The following ZC3H7B variants were observed in gnomAD, a reference collection of about 807,000 sequenced individuals.
The protein encoded by ZC3H7B is zinc finger CCCH domain-containing protein 7B.
A neutral mutation model predicts 116.0 loss-of-function variants in ZC3H7B; 35 were observed. That is an observed-to-expected ratio of 0.30 (90% CI 0.23 to 0.40). The LOEUF (loss-of-function observed/expected upper bound fraction) is 0.40. Ranked by LOEUF, ZC3H7B falls within the 10% of genes least tolerant of loss-of-function variation. The probability of loss-of-function intolerance (pLI) is 1.00; values close to 1 mark genes in which losing one functional copy is unlikely to be tolerated. For missense variants in ZC3H7B, 1,011 were observed against 1,321.5 expected (o/e 0.77, Z 3.64); for synonymous variants, 502 against 545.6 (o/e 0.92, Z 1.11).
intron 11 of ZC3H7B, among the ~76,000 whole-genome samples, chr22:41,341,750 AG>A (rs2145930838): frequency 6.6e-6 from 1 of 150,604 alleles, no homozygotes; most frequent in African/African-American, 2.4e-5. Flanking sequence ...CTCAAAAAAA[AG>A]AAAATAATAA....
At chr22:41,340,312 G>T (rs751045514) in intron 10 of ZC3H7B, among the ~76,000 whole-genome samples, 175 bp downstream of exon 10, 8 of 152,160 alleles carry the variant, frequency 5.3e-5, no homozygotes, top group Non-Finnish European at 1.2e-4. Context: ...ACAGTGTGGG[G>T]CTGGGCCTGA....
intron 1 of ZC3H7B, among the ~76,000 whole-genome samples, chr22:41,306,203 C>T (rs989382703): frequency 1.3e-5 from 2 of 151,980 alleles, no homozygotes; most frequent in African/African-American, 4.8e-5. Context: ...GAAAAGGAGC[C>T]CTGAGATTTG....
chr22:41,334,789 G>C (rs1294167274), intron 7 of ZC3H7B: 3 of 152,240 alleles, frequency 2.0e-5, no homozygotes, highest in Non-Finnish European at 4.4e-5. Flanking sequence ...TCCACCATGA[G>C]CACCATATTC....
intron 2 of ZC3H7B, among the ~76,000 whole-genome samples, chr22:41,323,539 T>A (rs553632184): frequency 6.6e-6 from 1 of 152,300 alleles, no homozygotes; most frequent in East Asian, 1.9e-4. Flanking sequence ...CCTTCTCCTT[T>A]CCAAAGGGGC....
At chr22:41,345,585 CA>C (rs576238177) in intron 13 of ZC3H7B, among the ~76,000 whole-genome samples, 1 of 149,034 alleles carries the variant, frequency 6.7e-6, no homozygotes, top group Non-Finnish European at 1.5e-5. Flanking sequence ...AACTCCATCT[CA>C]AAAAAAAAAT....
intron 21 of ZC3H7B, 76 bp downstream of exon 21, chr22:41,356,552 G>A: frequency 6.2e-7 from 1 of 1,609,366 alleles, no homozygotes; most frequent in Non-Finnish European, 8.5e-7. Context: ...GGGCAGCCTG[G>A]AGGGCCCAGC....
At chr22:41,340,888 G>A (rs1052591124) in intron 10 of ZC3H7B, among the ~76,000 whole-genome samples, 200 bp from the exon 11 acceptor site, 2 of 152,164 alleles carry the variant, frequency 1.3e-5, no homozygotes, top group African/African-American at 4.8e-5. Context: ...TAAGCAAAGA[G>A]TGGACACACT....
rs758654589 is a variant in ZC3H7B, at chr22:41,325,893, A to G, written c.260A>G (p.Asn87Ser). The G allele has an allele frequency of 3.7e-6, 6 of 1,609,438 alleles. No homozygotes were observed. Among genetic ancestry groups the G allele is most frequent in the Non-Finnish European group, 5.1e-6 (6 of 1,178,752 alleles). The change falls in exon 4 of 23, where the codon AAT becomes AGT. Residue 87 changes from asparagine (N) to serine (S), a missense_variant. Transcript: ENST00000352645. The stretch of plus-strand genomic sequence containing the variant: ...GAGCTGCTGTGCAAGCTGCATGTCA[A>G]TAGGGCCGCCTGCTACTTCACCATG... Reference protein sequence around the residue: ...PRELLCKLHVNRAACYFTMGL... With the variant: ...PRELLCKLHVSRAACYFTMGL...
At chr22:41,350,597 G>A (rs1014448808) in intron 16 of ZC3H7B, among the ~76,000 whole-genome samples, 6 of 152,160 alleles carry the variant, frequency 3.9e-5, no homozygotes, top group African/African-American at 9.7e-5. Context: ...AAAGGAGAGC[G>A]TCAAGGTGGA....
intron 1 of ZC3H7B, among the ~76,000 whole-genome samples, chr22:41,305,093 TC>T (rs767428832): frequency 2.7e-4 from 41 of 152,270 alleles, no homozygotes; most frequent in Non-Finnish European, 5.6e-4. Flanking sequence ...ACGCCTGTAA[TC>T]CCAGCACTTT....
At chr22:41,352,432 C>T (rs1270968970) in intron 17 of ZC3H7B, among the ~76,000 whole-genome samples, 1 of 152,184 alleles carries the variant, frequency 6.6e-6, no homozygotes, top group Non-Finnish European at 1.5e-5. Flanking sequence ...TAAGACTATA[C>T]TTTCAGGGAT....
intron 18 of ZC3H7B, 31 bp downstream of exon 18, chr22:41,355,633 G>A (rs1402072474): frequency 6.2e-7 from 1 of 1,613,546 alleles, no homozygotes; most frequent in East Asian, 2.2e-5. Context: ...GGGCTCAGGT[G>A]GGATGGGGCC....
chr22:41,329,645 C>G (rs955823322), intron 5 of ZC3H7B, among the ~76,000 whole-genome samples: 1 of 152,168 alleles, frequency 6.6e-6, no homozygotes, highest in Admixed American at 6.5e-5. Context: ...GAGTGTGATT[C>G]CCTCCTGGAG....
chr22:41,332,175 T>C lies in ZC3H7B; in HGVS notation c.530T>C (p.Leu177Ser). ...VRKAYKRPQELETFSLLSNGT... is the reference protein window; with the variant it reads ...VRKAYKRPQESETFSLLSNGT... ...CCTCTCTCCAATCTCTGGCAGGAAT[T>C]GGAAACCTTTTCTCTGCTCAGTAAC... Residue 177 changes from leucine (L) to serine (S), a missense_variant, in exon 7 of 23, where the codon TTG (leucine) becomes TCG (serine). Leu to Ser is a moderately radical substitution (Grantham distance 145). This residue lies in a region of ZC3H7B where 322 missense variants were observed against 443.9 expected (regional missense o/e 0.73). Transcript: ENST00000352645. 6.2e-7 allele frequency: 1 copy of C among 1,614,120 alleles called. No homozygotes were observed. The highest frequency in any genetic ancestry group is 8.5e-7 in the Non-Finnish European group (1 of 1,179,986).
chr22:41,313,627 A>G (rs561291067), intron 1 of ZC3H7B, among the ~76,000 whole-genome samples: 1 of 152,310 alleles, frequency 6.6e-6, no homozygotes, highest in East Asian at 1.9e-4. Flanking sequence ...TCCAGTTTAC[A>G]CTGTCAGTAT....
rs542909684 is a variant in ZC3H7B, at chr22:41,305,329, C to G, written c.-7+3557C>G. On this transcript the variant is annotated intron_variant, in intron 1 of 22. Transcript: ENST00000352645. ...CTGCACTCCAGCCTGGGCGACAGAG[C>G]AAGACTCTGTCTCAAAAAAAAAAAA... Among the ~76,000 whole-genome samples the G allele has an allele frequency of 1.0e-4, 14 of 139,150 alleles. No homozygotes were observed. The East Asian group carries it at 2.9e-3, about 29-fold the overall frequency. 91.3% of individuals were successfully genotyped at this position (139,150 alleles called of 152,430 possible).
At chr22:41,352,007 A>G (rs5751083) in intron 17 of ZC3H7B, among the ~76,000 whole-genome samples, 11,925 of 151,894 alleles carry the variant, frequency 0.079, 1,553 homozygotes, top group East Asian at 0.45. Context: ...ATTTTTTAAG[A>G]CCGTGGGTCT....
Position 41,345,452 on chromosome 22 carries a change from G to C in ZC3H7B, c.1460-551G>C, listed in dbSNP as rs530498738. Among the ~76,000 whole-genome samples the C allele has an allele frequency of 2.5e-4, 38 of 152,170 alleles. 1 individual carries two copies. The highest frequency in any genetic ancestry group is 2.2e-3 in the Admixed American group (34 of 15,292). ...AATACAAAATTAGCCGGGCGTGGTGGCGGGTGCCTGTAATCCCAGCTACTC... is the reference window on the plus strand; with the variant it reads ...AATACAAAATTAGCCGGGCGTGGTGCCGGGTGCCTGTAATCCCAGCTACTC... On this transcript the variant is annotated intron_variant, in intron 13 of 22. Transcript: ENST00000352645.
At position 41,327,888 on chromosome 22, in the gene ZC3H7B, CCAAGGCGGGAGGAT is replaced by C. The variant is rs1282969029; in HGVS notation, c.444+527_444+540del. On this transcript the variant is annotated intron_variant, in intron 5 of 22. Transcript: ENST00000352645. The surrounding 1 kb of genome is among the most constrained non-coding windows in gnomAD (Gnocchi z 4.5). ...CCTGTAATCCCAGCACTGTGGGAGG[CCAAGGCGGGAGGAT>C]CACTTGAGCTCAGGAGTTTGCAACT... Among the ~76,000 whole-genome samples the C allele has an allele frequency of 2.6e-5, 4 of 152,226 alleles. No individual in the cohort carries two copies. The highest frequency in any genetic ancestry group is 9.6e-5 in the African/African-American group (4 of 41,462).
Sources: gnomAD v4.1 joint callset for allele counts (sites outside exome capture counted in the v4.1 genomes callset) on GRCh38, gnomAD v4.1.1 for gene constraint, gnomAD v4.1.1 regional missense constraint, Gnocchi (gnomAD v3.1) non-coding constraint, MANE v1.5 for transcripts, NCBI Gene and HGNC (gene_info 2026-07-23, HGNC 2026-07-21) for gene names.